SRGAP3: variants seen among roughly 807,000 people sequenced by gnomAD.
The protein encoded by SRGAP3 is SLIT-ROBO Rho GTPase activating protein 3.
SRGAP3 carries 39 observed loss-of-function variants against 121.1 expected under a neutral mutation model. That is an observed-to-expected ratio of 0.32 (90% CI 0.25 to 0.42). SRGAP3 has a LOEUF of 0.42. Among genes scored for constraint, SRGAP3 ranks in the 10% least tolerant of loss-of-function variants. SRGAP3 has a pLI of 1.00. For synonymous variants in SRGAP3, 601 were observed against 570.0 expected (o/e 1.05, Z -0.77); for missense variants, 1,213 against 1,470.6 (o/e 0.82, Z 2.86).
At chr3:8,986,733 T>TTTTG (rs3067607) in intron 21 of SRGAP3, among the ~76,000 whole-genome samples, 15,820 of 152,120 alleles carry the variant, frequency 0.1, 2,276 homozygotes, top group African/African-American at 0.32. Context: ...AATCAGAAAA[T>TTTTG]TTTTTTAAAA....
intron 2 of SRGAP3, among the ~76,000 whole-genome samples, chr3:9,107,322 T>G (rs1037922285): frequency 6.6e-6 from 1 of 152,084 alleles, no homozygotes; most frequent in East Asian, 1.9e-4. Context: ...AAAAAAGAAT[T>G]AGAGAGGAAG....
intron 1 of SRGAP3, among the ~76,000 whole-genome samples, chr3:9,169,238 G>A (rs1445501907): frequency 3.3e-5 from 5 of 152,204 alleles, no homozygotes; most frequent in Admixed American, 2.6e-4. Context: ...GAACCTGACT[G>A]CAAAGAAGCA....
intron 1 of SRGAP3, among the ~76,000 whole-genome samples, chr3:9,347,868 T>TTTCTC (rs1226610791): frequency 5.3e-5 from 8 of 152,354 alleles, no homozygotes; most frequent in African/African-American, 1.4e-4. Flanking sequence ...AGAACTGATC[T>TTTCTC]ACTGAGTAAT....
chr3:9,210,048 A>C (rs1145161), intron 1 of SRGAP3, among the ~76,000 whole-genome samples: 76,486 of 129,894 alleles, frequency 0.59, 19,447 homozygotes, highest in African/African-American at 0.65. Context: ...TAGACACACA[A>C]AAAAAAAAAA....
upstream of SRGAP3, among the ~76,000 whole-genome samples, chr3:9,251,148 AGGCGGGGCAGGATGTTCTCCT>A (rs557533485): frequency 2.0e-3 from 302 of 152,306 alleles, no homozygotes; most frequent in African/African-American, 7.2e-3. Context: ...AAAGGGAGTG[AGGCGGGGCAGGATGTTCTCCT>A]GGAGCACACA....
intron 18 of SRGAP3, chr3:9,008,056 C>T (rs1168872292): frequency 1.3e-5 from 2 of 152,346 alleles, no homozygotes; most frequent in African/African-American, 2.4e-5. Flanking sequence ...AATGATTTTT[C>T]CTGCCTTTGT....
At chr3:9,166,794 A>G (rs1250354001) in intron 1 of SRGAP3, among the ~76,000 whole-genome samples, 1 of 152,202 alleles carries the variant, frequency 6.6e-6, no homozygotes, top group Non-Finnish European at 1.5e-5. Flanking sequence ...GCAGTCATCC[A>G]GGGCCACAGA....
At chr3:9,155,964 C>T (rs182248556) in intron 1 of SRGAP3, among the ~76,000 whole-genome samples, 82 of 152,226 alleles carry the variant, frequency 5.4e-4, no homozygotes, top group Non-Finnish European at 9.6e-4. Context: ...TACAGGCACC[C>T]GCCACCACGC....
In SRGAP3 at chr3:9,203,550, C is replaced by T. The variant is rs545067868; in HGVS notation, c.67+45335G>A. On this transcript the variant is annotated intron_variant, in intron 1 of 21. Coordinates refer to ENST00000383836, the MANE Select transcript of SRGAP3 (RefSeq NM_014850.4). ...CCTCTACAGCCCTCAAAGGAGAGAT[C>T]GAGAACTCTTCTGTGCTCCTGCACC... Among the ~76,000 whole-genome samples the T allele has an allele frequency of 1.6e-4, 25 of 152,300 alleles. No individual in the cohort carries two copies. In the South Asian group the frequency reaches 2.1e-3, roughly 13 times the overall value.
intron 3 of SRGAP3, among the ~76,000 whole-genome samples, chr3:9,269,300 C>T (rs1028008000): frequency 1.3e-5 from 2 of 152,112 alleles, no homozygotes; most frequent in African/African-American, 4.8e-5. Context: ...GTCTGGAGTC[C>T]ACTAGTGGAC....
At chr3:9,149,163 G>A (rs931719592) in intron 1 of SRGAP3, among the ~76,000 whole-genome samples, 3 of 148,160 alleles carry the variant, frequency 2.0e-5, no homozygotes, top group Non-Finnish European at 3.0e-5. Flanking sequence ...GCAGTGAGCC[G>A]AGATCGCGCC....
At chr3:9,143,063 C>T (rs1949913168) in intron 1 of SRGAP3, among the ~76,000 whole-genome samples, 1 of 151,988 alleles carries the variant, frequency 6.6e-6, no homozygotes, top group African/African-American at 2.4e-5. Flanking sequence ...TGGTCGAGAA[C>T]TCCAGGGCTC....
At position 9,355,286 on chromosome 3, in the gene SRGAP3, T is replaced by G. The variant is rs530592072; in HGVS notation, n.214+7554A>C. ...GTTTGAGATATCATCATCTCTCACT[T>G]GGACCAATGAAATCACCTAGTAACT... On this transcript the variant is annotated intron_variant and non_coding_transcript_variant, in intron 1 of 3. Transcript: ENST00000490889. Among the ~76,000 whole-genome samples, 4 of 152,254 alleles carry G rather than the reference T, an allele frequency of 2.6e-5. No individual in the cohort carries two copies. The East Asian group carries it at 7.7e-4, about 29-fold the overall frequency.
chr3:9,244,808 T>C (rs1209467945), intron 1 of SRGAP3, among the ~76,000 whole-genome samples: 1 of 152,238 alleles, frequency 6.6e-6, no homozygotes, highest in Non-Finnish European at 1.5e-5. Context: ...GGAAGTAATG[T>C]CCATTTGGCA....
chr3:9,237,320 G>A (rs1953450410), intron 1 of SRGAP3, among the ~76,000 whole-genome samples: 1 of 152,150 alleles, frequency 6.6e-6, no homozygotes, highest in Non-Finnish European at 1.5e-5. Flanking sequence ...GATGCTACTG[G>A]CATCTAGTGA....
chr3:9,141,884 C>G (rs1355397739), intron 1 of SRGAP3, among the ~76,000 whole-genome samples: 3 of 152,174 alleles, frequency 2.0e-5, no homozygotes, highest in African/African-American at 7.2e-5. Context: ...AGGGCTCCAG[C>G]CAAGTACCTT....
chr3:9,225,698 G>A (rs570998801), intron 1 of SRGAP3, among the ~76,000 whole-genome samples: 136 of 152,180 alleles, frequency 8.9e-4, no homozygotes, highest in African/African-American at 3.2e-3. Context: ...TCACAACAGC[G>A]CAGGGCCTTT....
At chr3:9,302,197 G>A (rs1377940035) in intron 3 of SRGAP3, among the ~76,000 whole-genome samples, 1 of 152,184 alleles carries the variant, frequency 6.6e-6, no homozygotes, top group East Asian at 1.9e-4. Flanking sequence ...TGGGTAAGGG[G>A]AGGCCAAGGG....
intron 2 of SRGAP3, among the ~76,000 whole-genome samples, chr3:9,329,300 G>A (rs750484782): frequency 2.6e-5 from 4 of 152,142 alleles, no homozygotes; most frequent in Non-Finnish European, 4.4e-5. Context: ...CCCTTTTGCC[G>A]GCATGCCAGG....
Sources: gnomAD v4.1 joint callset for allele counts (sites outside exome capture counted in the v4.1 genomes callset) on GRCh38, gnomAD v4.1.1 for gene constraint, MANE v1.5 for transcripts, NCBI Gene and HGNC (gene_info 2026-07-23, HGNC 2026-07-21) for gene names.